Variants in GPAT3 observed in about 807,000 individuals in gnomAD.
The protein encoded by GPAT3 is glycerol-3-phosphate acyltransferase 3.
In GPAT3, 53 loss-of-function variants were observed where a neutral mutation model predicts 58.8. The ratio of observed to expected loss-of-function variants is 0.90; its 90% confidence interval spans 0.72 to 1.13. The LOEUF (loss-of-function observed/expected upper bound fraction) is 1.13. GPAT3 is among the 50% of genes most tolerant of loss of function. The probability of loss-of-function intolerance (pLI) is 0.00; values close to 1 mark genes in which losing one functional copy is unlikely to be tolerated. For missense variants in GPAT3, 511 were observed against 527.6 expected (o/e 0.97, Z 0.31); for synonymous variants, 197 against 187.4 (o/e 1.05, Z -0.42).
At position 83,551,793 on chromosome 4, in the gene GPAT3, GA is replaced by G. The variant is rs765639097; in HGVS notation, c.208+7212del. ...GGAGACAGAGTGAGACTCCATCTCG[GA>G]AAAAAAAAAAAAAAAAAAAATCTAT... On this transcript the variant is annotated intron_variant, in intron 2 of 11. Coordinates refer to ENST00000264409, the MANE Select transcript of GPAT3 (RefSeq NM_032717.5). Among the ~76,000 whole-genome samples, 464 of 61,934 alleles carry G rather than the reference GA, an allele frequency of 7.5e-3. 14 individuals are homozygous for G. The East Asian group carries it at 0.11, about 14-fold the overall frequency. The allele number at this position is 61,934 out of a possible 152,430, so 40.6% of individuals were successfully genotyped here.
chr4:83,604,703 T>C lies in GPAT3; in HGVS notation c.1241T>C (p.Ile414Thr). 2 of 1,614,008 alleles carry C rather than the reference T, an allele frequency of 1.2e-6. No homozygotes were observed. The highest frequency in any genetic ancestry group is 1.7e-6 in the Non-Finnish European group (2 of 1,179,960). ...CTAAAGAGAGCAAAGGTGAAGGACATCTTTAAGGAAGAGCAGCAGAAAAAT... is the reference window on the plus strand; with the variant it reads ...CTAAAGAGAGCAAAGGTGAAGGACACCTTTAAGGAAGAGCAGCAGAAAAAT... ...GGLKRAKVKD[I>T]FKEEQQKNYS... Residue 414 changes from isoleucine (I) to threonine (T), a missense_variant, in exon 12 of 12, where the codon ATC (isoleucine) becomes ACC (threonine). Transcript: ENST00000264409.
Position 83,536,708 on chromosome 4 carries a change from G to C in GPAT3, c.86G>C (p.Gly29Ala), listed in dbSNP as rs766159678. The C allele has an allele frequency of 1.3e-6, 2 of 1,575,134 alleles. No individual in the cohort carries two copies. The highest frequency in any genetic ancestry group is 1.8e-5 in the Admixed American group (1 of 56,618). Reference sequence around the variant, plus strand: ...TTCATCCTTTTACCTTCGGTCTTCGGAGTGTCTCTGGGCATCTCCGAGATC... The same window carrying C: ...TTCATCCTTTTACCTTCGGTCTTCGCAGTGTCTCTGGGCATCTCCGAGATC... ...LGFILLPSVF[G>A]VSLGISEIYM... Residue 29 changes from glycine (G) to alanine (A), a missense_variant, in exon 1 of 12, where the codon GGA (glycine) becomes GCA (alanine). Transcript: ENST00000264409.
chr4:83,545,645 A>G (rs1343141777), intron 2 of GPAT3, among the ~76,000 whole-genome samples: 1 of 152,236 alleles, frequency 6.6e-6, no homozygotes, highest in African/African-American at 2.4e-5. Flanking sequence ...TTCATGGTGT[A>G]TACTTAAACA....
chr4:83,603,439 A>G (rs1379975), intron 11 of GPAT3, among the ~76,000 whole-genome samples: 94,058 of 152,108 alleles, frequency 0.62, 29,196 homozygotes, highest in Middle Eastern at 0.74. Context: ...TTTATTCGGA[A>G]TCTGTTTTGG....
intron 3 of GPAT3, among the ~76,000 whole-genome samples, chr4:83,582,883 A>G (rs1726204863): frequency 6.6e-6 from 1 of 152,166 alleles, no homozygotes; most frequent in African/African-American, 2.4e-5. Context: ...TCAAGGTTTC[A>G]CATATAATTT....
intron 3 of GPAT3, among the ~76,000 whole-genome samples, chr4:83,582,667 T>C (rs867142413): frequency 6.6e-6 from 1 of 152,190 alleles, no homozygotes; most frequent in Middle Eastern, 3.2e-3. Flanking sequence ...AATTGAAATC[T>C]TTTTACCACC....
chr4:83,556,315 T>C (rs1160968028), intron 2 of GPAT3, among the ~76,000 whole-genome samples: 1 of 152,130 alleles, frequency 6.6e-6, no homozygotes, highest in Non-Finnish European at 1.5e-5. Context: ...CTGGCCAACA[T>C]GGTGGAACCC....
At chr4:83,587,183 T>C in intron 3 of GPAT3, 72 bp from the exon 4 acceptor site, 1 of 1,205,528 alleles carries the variant, frequency 8.3e-7, no homozygotes, top group South Asian at 1.3e-5. Flanking sequence ...ACAATTTTAT[T>C]ATTTAGGAAC....
chr4:83,566,813 T>C (rs1352323168), intron 2 of GPAT3, among the ~76,000 whole-genome samples: 1 of 151,736 alleles, frequency 6.6e-6, no homozygotes, highest in African/African-American at 2.4e-5. Flanking sequence ...TTTCCCCATT[T>C]GTTAGGTTTT....
chr4:83,556,782 CAAA>C (rs35789405), intron 2 of GPAT3, among the ~76,000 whole-genome samples: 1 of 131,346 alleles, frequency 7.6e-6, no homozygotes, highest in Non-Finnish European at 1.6e-5. Context: ...CTACGGTTCT[CAAA>C]AAAAAAAAAA....
In GPAT3 at chr4:83,583,753, C is replaced by T. The variant is rs530366374; in HGVS notation, c.479+1921C>T. Among the ~76,000 whole-genome samples the T allele has an allele frequency of 3.4e-5, 5 of 147,864 alleles. No individual in the cohort carries two copies. The East Asian group carries it at 7.9e-4, about 24-fold the overall frequency. On this transcript the variant is annotated intron_variant, in intron 3 of 11. Transcript: ENST00000264409. ...CTGTAATCCCAGCCCTTTGGGAGGC[C>T]GAGGTGAGGTCAGGAGTTCTATGTC...
rs545501980 is a variant in GPAT3, at chr4:83,543,362, G to T, written c.142-1174G>T. Among the ~76,000 whole-genome samples the T allele has an allele frequency of 1.6e-4, 25 of 152,266 alleles. No individual in the cohort carries two copies. The South Asian group carries it at 2.5e-3, about 15-fold the overall frequency. ...GCCCTTGGGATTCTCTAGAATGAGA[G>T]ACTTGAAAAGTTCACTAGCAGTTTT... On this transcript the variant is annotated intron_variant, in intron 1 of 11. Transcript: ENST00000264409.
intron 6 of GPAT3, among the ~76,000 whole-genome samples, chr4:83,591,022 G>A (rs956239688): frequency 1.3e-5 from 2 of 151,518 alleles, no homozygotes; most frequent in African/African-American, 2.4e-5. Context: ...TATGCCTTCA[G>A]TTGGTGTTTG....
chr4:83,562,184 TA>T (rs1725153982), intron 2 of GPAT3, among the ~76,000 whole-genome samples: 1 of 50,350 alleles, frequency 2.0e-5, no homozygotes, highest in African/African-American at 1.6e-4. Flanking sequence ...ATATATTATA[TA>T]TATATATATA....
Position 83,587,247 on chromosome 4 carries a change from T to C in GPAT3, c.480-8T>C, listed in dbSNP as rs2110102256. The C allele has an allele frequency of 6.2e-7, 1 of 1,612,068 alleles. No individual in the cohort carries two copies. The highest frequency in any genetic ancestry group is 2.2e-5 in the East Asian group (1 of 44,850). Reference sequence around the variant, plus strand: ...AAATCTTATATGGCCCTCTCTTTTCTTTTTCAGGGTTACCTTGGCTTTCAT... The same window carrying C: ...AAATCTTATATGGCCCTCTCTTTTCCTTTTCAGGGTTACCTTGGCTTTCAT... On this transcript the variant is annotated splice_region_variant and splice_polypyrimidine_tract_variant and intron_variant, in intron 3 of 11. Transcript: ENST00000264409.
At chr4:83,568,740 A>G (rs953621567) in intron 2 of GPAT3, among the ~76,000 whole-genome samples, 3 of 151,988 alleles carry the variant, frequency 2.0e-5, no homozygotes, top group South Asian at 2.1e-4. Flanking sequence ...ATCTCCTGAC[A>G]GGTGATCCAC....
chr4:83,565,497 T>A (rs981783254), intron 2 of GPAT3, among the ~76,000 whole-genome samples: 2 of 88,316 alleles, frequency 2.3e-5, no homozygotes, highest in Admixed American at 1.2e-4. Context: ...AATTATTGAT[T>A]TTTTTTTGTT....
intron 2 of GPAT3, among the ~76,000 whole-genome samples, chr4:83,581,121 A>AAG (rs397994309): frequency 6.8e-6 from 1 of 147,210 alleles, no homozygotes; most frequent in African/African-American, 2.5e-5. Context: ...AAAAAAAAAA[A>AAG]TCAACTTTTT....
At position 83,594,864 on chromosome 4, in the gene GPAT3, G is replaced by A. The variant is rs1726755304; in HGVS notation, c.758G>A (p.Gly253Asp). 6.2e-7 allele frequency: 1 copy of A among 1,613,694 alleles called. No homozygotes were observed. Among genetic ancestry groups the A allele is most frequent in the Non-Finnish European group, 8.5e-7 (1 of 1,179,830 alleles). The change falls in exon 7 of 12, where the codon GGC becomes GAC. Residue 253 changes from glycine (G) to aspartate (D), a missense_variant. Gly to Asp is a moderately conservative substitution (Grantham distance 94). Coordinates refer to ENST00000264409, the MANE Select transcript of GPAT3 (RefSeq NM_032717.5). ...CYAMVGQVHG[G>D]LMGIIQRAMV... is the part of the protein sequence containing the mutation. ...TTCTAGGTTGGCCAGGTTCATGGCG[G>A]CTTGATGGGAATTATTCAGAGAGCT...
Sources: allele counts gnomAD v4.1 joint callset (sites outside exome capture counted in the v4.1 genomes callset), GRCh38; gene constraint gnomAD v4.1.1; transcripts MANE v1.5; gene names NCBI Gene and HGNC (gene_info 2026-07-23, HGNC 2026-07-21).